The following LRRC4C variants were observed in gnomAD, a reference collection of about 807,000 sequenced individuals.
The protein encoded by LRRC4C is leucine rich repeat containing 4C, also known as leucine-rich repeat-containing protein 4C.
A neutral mutation model predicts 33.6 loss-of-function variants in LRRC4C; 5 were observed. The observed-to-expected ratio is 0.15, with a 90% CI of 0.08 to 0.31. The LOEUF (loss-of-function observed/expected upper bound fraction) is 0.31, where lower values mean the gene tolerates loss of function less well. LRRC4C is among the 10% of genes least tolerant of loss of function. LRRC4C has a pLI of 1.00. For synonymous variants in LRRC4C, 329 were observed against 302.0 expected (o/e 1.09, Z -0.93); for missense variants, 560 against 796.7 (o/e 0.70, Z 3.58).
chr11:41,005,961 C>A (rs1854722230), intron 1 of LRRC4C, among the ~76,000 whole-genome samples: 1 of 152,038 alleles, frequency 6.6e-6, no homozygotes, highest in South Asian at 2.1e-4. Context: ...TCCCTCCCTC[C>A]CTTTCTCCCT....
intron 1 of LRRC4C, among the ~76,000 whole-genome samples, chr11:41,099,219 G>A (rs1053076431): frequency 4.6e-5 from 7 of 151,754 alleles, no homozygotes; most frequent in Non-Finnish European, 8.8e-5. Flanking sequence ...AAAAAGCCCA[G>A]GTCTCTAGAC....
At position 41,262,378 on chromosome 11, in the gene LRRC4C, C is replaced by G. The variant is rs76749994; in HGVS notation, c.-496+197053G>C. ...AGAAAAAGGTCTGCTGACTGCTACC[C>G]TATACTACTACGGACATGAACAGTT... On this transcript the variant is annotated intron_variant, in intron 1 of 6. Coordinates refer to ENST00000528697, the MANE Select transcript of LRRC4C (RefSeq NM_001258419.2). Among the ~76,000 whole-genome samples the G allele has an allele frequency of 2.0e-5, 3 of 148,584 alleles. No homozygotes were observed. The Admixed American group carries it at 2.0e-4, about 10-fold the overall frequency.
At chr11:40,665,364 GTA>G (rs1189493857) in intron 2 of LRRC4C, among the ~76,000 whole-genome samples, 2,457 of 23,620 alleles carry the variant, frequency 0.1, 75 homozygotes, top group South Asian at 0.15. Flanking sequence ...ATATATATAT[GTA>G]TATATATATA....
At chr11:40,526,089 C>A (rs1379726885) in intron 3 of LRRC4C, among the ~76,000 whole-genome samples, 1 of 151,580 alleles carries the variant, frequency 6.6e-6, no homozygotes, top group Non-Finnish European at 1.5e-5. Flanking sequence ...AAAAAAAGTA[C>A]TAGGTGTAGT....
At chr11:41,274,403 C>A (rs1847851134) in intron 1 of LRRC4C, among the ~76,000 whole-genome samples, 1 of 152,016 alleles carries the variant, frequency 6.6e-6, no homozygotes, top group Non-Finnish European at 1.5e-5. Context: ...GTGTCTTGAA[C>A]AAGGGTGGGA....
intron 3 of LRRC4C, among the ~76,000 whole-genome samples, chr11:40,495,862 C>T: frequency 1.0e-5 from 1 of 100,194 alleles, no homozygotes; most frequent in Non-Finnish European, 1.8e-5. Context: ...GAGAGTCTCG[C>T]ATTATCGCCC....
At chr11:40,476,066 G>A (rs1282790149) in intron 3 of LRRC4C, among the ~76,000 whole-genome samples, 1 of 152,146 alleles carries the variant, frequency 6.6e-6, no homozygotes, top group Admixed American at 6.5e-5. Context: ...ATTGCAAAAT[G>A]TTCCCTGCAG....
intron 2 of LRRC4C, among the ~76,000 whole-genome samples, chr11:40,914,479 C>T (rs1185127180): frequency 6.6e-6 from 1 of 152,128 alleles, no homozygotes; most frequent in Non-Finnish European, 1.5e-5. Flanking sequence ...CAGACAAGGC[C>T]TTAGACAAAA....
At chr11:40,457,885 G>T (rs996481804) in intron 3 of LRRC4C, among the ~76,000 whole-genome samples, 1 of 151,990 alleles carries the variant, frequency 6.6e-6, no homozygotes, top group African/African-American at 2.4e-5. Flanking sequence ...TGTTTTTCTT[G>T]CAGTAGCCAT....
chr11:40,987,889 A>G (rs1210243570), intron 1 of LRRC4C, among the ~76,000 whole-genome samples: 2 of 151,914 alleles, frequency 1.3e-5, no homozygotes, highest in Admixed American at 6.6e-5. Flanking sequence ...TGATGTCTCA[A>G]TTGAATTTTC....
intron 1 of LRRC4C, among the ~76,000 whole-genome samples, chr11:41,238,755 A>G (rs1056918943): frequency 2.0e-5 from 3 of 152,160 alleles, no homozygotes. Context: ...CTTTACTATC[A>G]TTATATAAAG....
chr11:40,230,990 G>A (rs1000994526), intron 5 of LRRC4C, among the ~76,000 whole-genome samples: 2 of 152,142 alleles, frequency 1.3e-5, no homozygotes, highest in Non-Finnish European at 2.9e-5. Context: ...TCATCAGACT[G>A]TAAGATTTGC....
At chr11:40,853,643 G>T (rs1337505077) in intron 2 of LRRC4C, among the ~76,000 whole-genome samples, 1 of 152,082 alleles carries the variant, frequency 6.6e-6, no homozygotes, top group Non-Finnish European at 1.5e-5. Context: ...CACCCATGGG[G>T]TCATTAAAGT....
At chr11:41,399,720 TG>T (rs1953955163) in intron 1 of LRRC4C, among the ~76,000 whole-genome samples, 2 of 151,938 alleles carry the variant, frequency 1.3e-5, no homozygotes, top group Non-Finnish European at 2.9e-5. Context: ...AAAAATCCAA[TG>T]GTATCTGCCA....
chr11:40,510,259 T>C (rs1231239779), intron 3 of LRRC4C, among the ~76,000 whole-genome samples: 1 of 150,428 alleles, frequency 6.6e-6, no homozygotes, highest in Non-Finnish European at 1.5e-5. Context: ...TTTCAAATAG[T>C]TCTGAACTAC....
intron 2 of LRRC4C, among the ~76,000 whole-genome samples, chr11:40,829,791 G>T (rs1565109297): frequency 6.6e-6 from 1 of 151,902 alleles, no homozygotes; most frequent in Non-Finnish European, 1.5e-5. Flanking sequence ...ACTGTGTCAG[G>T]TGCTGGAGCT....
chr11:40,453,728 C>G (rs147767580), intron 3 of LRRC4C, among the ~76,000 whole-genome samples: 5 of 151,768 alleles, frequency 3.3e-5, no homozygotes, highest in Non-Finnish European at 5.9e-5. Context: ...TGTATATGCA[C>G]ATTATATGAC....
chr11:40,275,843 T>C (rs1943063023), intron 4 of LRRC4C, among the ~76,000 whole-genome samples: 1 of 152,174 alleles, frequency 6.6e-6, no homozygotes. Flanking sequence ...AAAGCATCTA[T>C]AGACTATCCA....
At chr11:41,316,953 T>A (rs954199519) in intron 1 of LRRC4C, among the ~76,000 whole-genome samples, 1 of 152,222 alleles carries the variant, frequency 6.6e-6, no homozygotes, top group African/African-American at 2.4e-5. Flanking sequence ...TCCTGTTGTG[T>A]GACCTTGTGG....
Sources: gnomAD v4.1 joint callset for allele counts (sites outside exome capture counted in the v4.1 genomes callset) on GRCh38, gnomAD v4.1.1 for gene constraint, MANE v1.5 for transcripts, NCBI Gene and HGNC (gene_info 2026-07-23, HGNC 2026-07-21) for gene names.